The following DEFB121 variants were observed in gnomAD, a reference collection of about 807,000 sequenced individuals.
DEFB121 encodes beta-defensin 121.
DEFB121 carries 5 observed loss-of-function variants against 2.5 expected under a neutral mutation model. The ratio of observed to expected loss-of-function variants is 1.96; its 90% CI spans 1.03 to 4.13. The LOEUF (loss-of-function observed/expected upper bound fraction) is 4.13, where lower values mean the gene tolerates loss of function less well. Ranked by LOEUF, DEFB121 falls within the 30% of genes most tolerant of loss-of-function variation. The pLI is 0.00. For synonymous variants in DEFB121, 39 were observed against 32.6 expected (o/e 1.20, Z -0.67); for missense variants, 87 against 85.0 (o/e 1.02, Z -0.09).
upstream of DEFB121, among the ~76,000 whole-genome samples, chr20:31,416,326 G>A (rs902505981): frequency 6.6e-6 from 1 of 152,208 alleles, no homozygotes; most frequent in Non-Finnish European, 1.5e-5. Context: ...CTCCCAAAGT[G>A]CTGAGATTAC....
chr20:31,416,147 A>G (rs1438344638), upstream of DEFB121, among the ~76,000 whole-genome samples: 1 of 151,800 alleles, frequency 6.6e-6, no homozygotes, highest in African/African-American at 2.4e-5. Context: ...TGCAATCTCC[A>G]CCTCTGGGGT....
chr20:31,405,605 C>T (rs947408004), intron 1 of DEFB121, among the ~76,000 whole-genome samples: 10 of 152,258 alleles, frequency 6.6e-5, no homozygotes, highest in South Asian at 4.2e-4. Context: ...TTCTCTGGCC[C>T]CAACCAGTCA....
At chr20:31,409,840 C>T (rs573161595), upstream of DEFB121, among the ~76,000 whole-genome samples, 46 of 152,184 alleles carry the variant, frequency 3.0e-4, no homozygotes, top group Middle Eastern at 3.4e-3. Context: ...ACTGAACAAG[C>T]TTATTCACAT....
In DEFB121 at chr20:31,405,096, A is replaced by T. The variant is rs749555054; in HGVS notation, c.59-11T>A. ...CCCAACATTTCATGACTGAAAACAA[A>T]AGGGAAGAAGAGAATAGAGTCAGTT... is the stretch of plus-strand genomic sequence containing the variant. On this transcript the variant is annotated splice_polypyrimidine_tract_variant and intron_variant, in intron 1 of 1. Coordinates refer to ENST00000376314, the MANE Select transcript of DEFB121 (RefSeq NM_001011878.3). The T allele has an allele frequency of 6.3e-7, 1 of 1,591,550 alleles. No homozygotes were observed. Among genetic ancestry groups the T allele is most frequent in the Non-Finnish European group, 8.5e-7 (1 of 1,172,956 alleles).
At chr20:31,412,912 G>GA (rs1978704019), upstream of DEFB121, 46 of 241,354 alleles carry the variant, frequency 1.9e-4, 1 homozygote, top group South Asian at 2.1e-3. Context: ...GAAATGCCTG[G>GA]CTTTTTATCA....
chr20:31,407,160 G>T (rs1279594250), upstream of DEFB121, among the ~76,000 whole-genome samples: 16 of 151,992 alleles, frequency 1.1e-4, no homozygotes, highest in Admixed American at 1.0e-3. Flanking sequence ...TGAAGCAGGA[G>T]ACTAGCTTGA....
At chr20:31,418,399 A>C in the DEFB121 span, among the ~76,000 whole-genome samples, 1 of 152,114 alleles carries the variant, frequency 6.6e-6, no homozygotes, top group African/African-American at 2.4e-5. Flanking sequence ...GAAGAACCCG[A>C]ATGGCTTCGG....
upstream of DEFB121, among the ~76,000 whole-genome samples, chr20:31,407,600 G>A (rs1978523963): frequency 6.6e-6 from 1 of 152,284 alleles, no homozygotes; most frequent in Non-Finnish European, 1.5e-5. Flanking sequence ...AGCTGCCCCA[G>A]GCATTCCAGC....
At chr20:31,405,306 A>G (rs1191863154) in intron 1 of DEFB121, among the ~76,000 whole-genome samples, 3 of 150,860 alleles carry the variant, frequency 2.0e-5, no homozygotes, top group Non-Finnish European at 3.0e-5. Context: ...AGTCCCCCCA[A>G]CTCAGTGGCA....
At chr20:31,418,289 AG>A in the DEFB121 span, among the ~76,000 whole-genome samples, 1 of 149,322 alleles carries the variant, frequency 6.7e-6, no homozygotes, top group Non-Finnish European at 1.5e-5. Flanking sequence ...AAAAGAAAAA[AG>A]GGAAAAAAGA....
chr20:31,405,767 C>T (rs1483178984), intron 1 of DEFB121, among the ~76,000 whole-genome samples: 1 of 152,142 alleles, frequency 6.6e-6, no homozygotes, highest in Non-Finnish European at 1.5e-5. Flanking sequence ...AATTCAAATC[C>T]TTTCAATGAA....
chr20:31,405,876 A>C (rs1405849119), intron 1 of DEFB121, among the ~76,000 whole-genome samples: 1 of 152,130 alleles, frequency 6.6e-6, no homozygotes, highest in Non-Finnish European at 1.5e-5. Flanking sequence ...GCTTTTCCAG[A>C]GCTAACCAGA....
chr20:31,410,836 G>GAGAGAA (rs1978641720), upstream of DEFB121, among the ~76,000 whole-genome samples: 1 of 151,140 alleles, frequency 6.6e-6, no homozygotes, highest in Non-Finnish European at 1.5e-5. Context: ...GAGAGAGAGA[G>GAGAGAA]AGAGAGAGAG....
At chr20:31,413,898 A>G (rs1287403435), upstream of DEFB121, among the ~76,000 whole-genome samples, 1 of 152,194 alleles carries the variant, frequency 6.6e-6, no homozygotes, top group East Asian at 1.9e-4. Flanking sequence ...GGAAAACGGT[A>G]TGGAGGTTCT....
chr20:31,411,197 C>T (rs1055871657), upstream of DEFB121, among the ~76,000 whole-genome samples: 1 of 152,182 alleles, frequency 6.6e-6, no homozygotes, highest in Non-Finnish European at 1.5e-5. Flanking sequence ...TTGATTGCTT[C>T]GTGAGCTAAA....
upstream of DEFB121, chr20:31,406,397 C>T: frequency 2.9e-6 from 2 of 683,050 alleles, no homozygotes; most frequent in Non-Finnish European, 4.0e-6. Context: ...TACGGCCTTG[C>T]CTCTGAAGAA....
intron 1 of DEFB121, 114 bp downstream of exon 1, chr20:31,405,981 C>A: frequency 8.7e-7 from 1 of 1,145,850 alleles, no homozygotes; most frequent in South Asian, 1.4e-5. Context: ...TACCTAAAGG[C>A]CTCAATGAGC....
upstream of DEFB121, among the ~76,000 whole-genome samples, chr20:31,415,289 C>A (rs1478241471): frequency 6.6e-6 from 1 of 151,382 alleles, no homozygotes; most frequent in Non-Finnish European, 1.5e-5. Flanking sequence ...TCGCTCTATC[C>A]CCCAGGCTGG....
chr20:31,406,778 T>C (rs776729360), upstream of DEFB121, among the ~76,000 whole-genome samples: 22 of 152,186 alleles, frequency 1.4e-4, no homozygotes, highest in African/African-American at 4.8e-4. Context: ...AAAAGCCATT[T>C]ATTATTGTTG....
Sources: allele counts gnomAD v4.1 joint callset (sites outside exome capture counted in the v4.1 genomes callset), GRCh38; gene constraint gnomAD v4.1.1; transcripts MANE v1.5; gene names NCBI Gene and HGNC (gene_info 2026-07-23, HGNC 2026-07-21).